Variants in YWHAE observed in about 807,000 individuals in gnomAD.
YWHAE encodes 14-3-3 protein epsilon.
YWHAE carries 4 observed loss-of-function variants against 30.1 expected under a neutral mutation model. The observed-to-expected ratio is 0.13, with a 90% CI of 0.07 to 0.30. The LOEUF (loss-of-function observed/expected upper bound fraction) is 0.30, where lower values mean the gene tolerates loss of function less well. Among genes scored for constraint, YWHAE ranks in the 10% least tolerant of loss-of-function variants. The pLI, the probability that YWHAE is intolerant of heterozygous loss-of-function variation, is 1.00. For missense variants in YWHAE, 121 were observed against 315.9 expected, an observed-to-expected ratio of 0.38 and a Z score of 4.68; for synonymous variants, 118 against 111.8, an observed-to-expected ratio of 1.06 and a Z score of -0.35.
Position 1,361,093 on chromosome 17 carries a change from T to G in YWHAE, c.577A>C (p.Arg193=), listed in dbSNP as rs1460378870. The stretch of plus-strand genomic sequence containing the variant: ...CTGCTGTTCTTCCCCACAACTTACC[T>G]GCAGGCACGGTCAGGGGAATTAAGA... ...EILNSPDRAC[R]LAKAAFDDAI... is the part of the protein sequence containing the mutation. Residue 193 remains arginine (R), a splice_region_variant and synonymous_variant, in exon 4 of 6, where the codon AGG becomes CGG. Transcript: ENST00000264335. The G allele has an allele frequency of 1.9e-6, 3 of 1,613,916 alleles. No homozygotes were observed. The South Asian group carries it at 3.3e-5, about 18-fold the overall frequency.
chr17:1,392,367 C>T (rs1231953202), intron 1 of YWHAE, among the ~76,000 whole-genome samples: 1 of 152,048 alleles, frequency 6.6e-6, no homozygotes, highest in African/African-American at 2.4e-5. Flanking sequence ...CAAAGCAAGA[C>T]CTTGTCTCAA....
chr17:1,357,402 CAAA>C (rs1195729330), intron 4 of YWHAE, among the ~76,000 whole-genome samples: 5 of 80,246 alleles, frequency 6.2e-5, no homozygotes, highest in Admixed American at 1.5e-4. Flanking sequence ...GACTCCGTCT[CAAA>C]AAAAAAAAAA....
intron 1 of YWHAE, among the ~76,000 whole-genome samples, chr17:1,365,356 CCTAA>C (rs979448981): frequency 4.6e-5 from 7 of 151,940 alleles, no homozygotes; most frequent in African/African-American, 9.7e-5. Flanking sequence ...ATTAGGCACA[CCTAA>C]CTATTTTCCA....
At chr17:1,378,512 T>C (rs1286758576) in intron 1 of YWHAE, among the ~76,000 whole-genome samples, 2 of 152,232 alleles carry the variant, frequency 1.3e-5, no homozygotes, top group Non-Finnish European at 2.9e-5. Context: ...GAGCAAAATT[T>C]TTTCTAAAAC....
intron 1 of YWHAE, among the ~76,000 whole-genome samples, chr17:1,369,311 T>G (rs960831724): frequency 1.3e-5 from 2 of 152,006 alleles, no homozygotes; most frequent in Non-Finnish European, 2.9e-5. Flanking sequence ...CTGGCCAACA[T>G]AGTAAAACCC....
At chr17:1,396,995 C>T (rs2073482644) in intron 1 of YWHAE, among the ~76,000 whole-genome samples, 2 of 150,712 alleles carry the variant, frequency 1.3e-5, no homozygotes, top group South Asian at 2.1e-4. Context: ...AATCCTGGTT[C>T]ACTACAACCT....
rs577558146 is a variant in YWHAE at position 1,358,132 on chromosome 17, T to G, written c.578+2960A>C. On this transcript the variant is annotated intron_variant, in intron 4 of 5. Coordinates refer to ENST00000264335, the MANE Select transcript of YWHAE (RefSeq NM_006761.5). ...GGCCTGGTGCAGTGGCTCAGGCCTG[T>G]ATTCTCAGCATTTTGGGAGGCTAAG... is the stretch of plus-strand genomic sequence containing the variant. Among the ~76,000 whole-genome samples, 280 of 152,228 alleles carry G rather than the reference T, an allele frequency of 1.8e-3. 8 individuals are homozygous for G. The highest frequency in any genetic ancestry group is 0.018 in the Admixed American group (280 of 15,290).
intron 1 of YWHAE, among the ~76,000 whole-genome samples, chr17:1,373,870 T>C (rs1223127184): frequency 2.0e-5 from 3 of 152,052 alleles, no homozygotes; most frequent in African/African-American, 7.2e-5. Flanking sequence ...CCATACAGTA[T>C]GGAGCCTCCC....
At chr17:1,372,776 G>C (rs757164911) in intron 1 of YWHAE, among the ~76,000 whole-genome samples, 1 of 151,908 alleles carries the variant, frequency 6.6e-6, no homozygotes, top group African/African-American at 2.4e-5. Context: ...CAACAGGTGA[G>C]ACCCTATCTC....
intron 5 of YWHAE, 69 bp from the exon 6 acceptor site, chr17:1,345,568 G>C: frequency 6.6e-7 from 1 of 1,518,616 alleles, no homozygotes; most frequent in Non-Finnish European, 9.1e-7. Context: ...CACAAACAAA[G>C]GTGTCATTCC....
chr17:1,370,867 G>A (rs944591495), intron 1 of YWHAE, among the ~76,000 whole-genome samples: 2 of 152,028 alleles, frequency 1.3e-5, no homozygotes, highest in Non-Finnish European at 2.9e-5. Flanking sequence ...GGGCATGGTG[G>A]CGGGCGCCTG....
intron 1 of YWHAE, among the ~76,000 whole-genome samples, chr17:1,371,327 C>T (rs2073039641): frequency 6.6e-6 from 1 of 152,086 alleles, no homozygotes. Flanking sequence ...TCATGTGACC[C>T]ACCCATCTCG....
At chr17:1,385,235 C>G (rs1031261358) in intron 1 of YWHAE, among the ~76,000 whole-genome samples, 1 of 151,042 alleles carries the variant, frequency 6.6e-6, no homozygotes, top group African/African-American at 2.4e-5. Flanking sequence ...AAGAAAAAAT[C>G]TGCAGCAATA....
intron 1 of YWHAE, among the ~76,000 whole-genome samples, chr17:1,383,707 A>G (rs936726184): frequency 1.5e-4 from 23 of 151,952 alleles, no homozygotes; most frequent in Non-Finnish European, 3.2e-4. Context: ...ACAATTTTTT[A>G]AAACACAAGT....
intron 1 of YWHAE, among the ~76,000 whole-genome samples, chr17:1,390,580 T>G (rs972717059): frequency 6.6e-6 from 1 of 152,208 alleles, no homozygotes; most frequent in African/African-American, 2.4e-5. Context: ...TGCAAATTAG[T>G]AGGCAAGAGA....
chr17:1,370,156 C>T (rs780387535), intron 1 of YWHAE, among the ~76,000 whole-genome samples: 28 of 116,938 alleles, frequency 2.4e-4, no homozygotes, highest in Non-Finnish European at 3.4e-4. Context: ...GAGACGGAGT[C>T]TCGCTCTGTC....
At chr17:1,350,323 G>A (rs957871229) in intron 5 of YWHAE, among the ~76,000 whole-genome samples, 1 of 152,300 alleles carries the variant, frequency 6.6e-6, no homozygotes, top group South Asian at 2.1e-4. Flanking sequence ...ATTATCTTTA[G>A]TTCTGTACAT....
chr17:1,372,961 G>A (rs1308119731), intron 1 of YWHAE, among the ~76,000 whole-genome samples: 1 of 151,770 alleles, frequency 6.6e-6, no homozygotes, highest in Non-Finnish European at 1.5e-5. Flanking sequence ...AAAGAACACA[G>A]GCCAGGCATG....
chr17:1,346,974 G>C (rs1211271648), intron 5 of YWHAE, among the ~76,000 whole-genome samples: 1 of 138,940 alleles, frequency 7.2e-6, no homozygotes, highest in African/African-American at 2.7e-5. Flanking sequence ...CTGGGTAACA[G>C]AGTGAGACTC....
Sources: gnomAD v4.1 joint callset for allele counts (sites outside exome capture counted in the v4.1 genomes callset) on GRCh38, gnomAD v4.1.1 for gene constraint, MANE v1.5 for transcripts, NCBI Gene and HGNC (gene_info 2026-07-23, HGNC 2026-07-21) for gene names.